LMNA: variants seen among roughly 807,000 people sequenced by gnomAD.
The protein encoded by LMNA is lamin A/C, also known as lamin.
Under a neutral mutation model 70.4 loss-of-function variants are expected in LMNA, and 20 were observed. The ratio of observed to expected loss-of-function variants is 0.28; its 90% CI spans 0.20 to 0.41. The LOEUF is 0.41. Among genes scored for constraint, LMNA ranks in the 10% least tolerant of loss-of-function variants. The pLI is 1.00. For missense variants in LMNA, 652 were observed against 917.2 expected (o/e 0.71, Z 3.73); for synonymous variants, 339 against 372.8 (o/e 0.91, Z 1.04).
chr1:156,130,635 T>C lies in LMNA; in HGVS notation c.375T>C (p.Gly125=), dbSNP rs1164862537. 3.1e-6 allele frequency: 5 copies of C among 1,613,952 alleles called. No homozygotes were observed. Among genetic ancestry groups the C allele is most frequent in the Non-Finnish European group, 4.2e-6 (5 of 1,180,000 alleles). The change falls in exon 2 of 12, where the codon GGT becomes GGC. Residue 125 remains glycine, a synonymous_variant. Coordinates refer to ENST00000368300, the MANE Select transcript of LMNA (RefSeq NM_170707.4). The stretch of plus-strand genomic sequence containing the variant: ...TCTTTAGCAATACCAAGAAGGAGGG[T>C]GACCTGATAGCTGCTCAGGCTCGGC... The part of the protein sequence containing the change: ...ELKARNTKKE[G]DLIAAQARLK...
At chr1:156,100,879 A>T (rs1649117933) in intron 3 of LMNA, among the ~76,000 whole-genome samples, 1 of 152,222 alleles carries the variant, frequency 6.6e-6, no homozygotes, top group Non-Finnish European at 1.5e-5. Flanking sequence ...ACAATGTCAC[A>T]GACAGTGTGA....
chr1:156,094,910 T>C (rs1648864557), intron 3 of LMNA, among the ~76,000 whole-genome samples: 1 of 150,710 alleles, frequency 6.6e-6, no homozygotes, highest in Non-Finnish European at 1.5e-5. Flanking sequence ...CAGGCGTTTG[T>C]CACCACAACC....
intron 1 of LMNA, among the ~76,000 whole-genome samples, chr1:156,130,364 G>A (rs969866179): frequency 2.0e-5 from 3 of 152,104 alleles, no homozygotes; most frequent in African/African-American, 7.2e-5. Flanking sequence ...TCTGCCCTTG[G>A]CCCCAGGCAC....
At chr1:156,111,399 A>T (rs928068044), upstream of LMNA, among the ~76,000 whole-genome samples, 2 of 151,228 alleles carry the variant, frequency 1.3e-5, no homozygotes, top group Non-Finnish European at 2.9e-5. Context: ...CAGTGAGCTG[A>T]GATTGTACTG....
At chr1:156,126,031 T>A (rs1558122690) in intron 1 of LMNA, 1 of 362,208 alleles carries the variant, frequency 2.8e-6, no homozygotes, top group Non-Finnish European at 4.7e-6. Context: ...TTAAAAATTT[T>A]AAATTAAAAT....
Position 156,135,742 on chromosome 1 carries a change from G to A in LMNA, c.937-159G>A, listed in dbSNP as rs912003263. 4.6e-6 allele frequency: 3 copies of A among 657,790 alleles called. No homozygotes were observed. In the East Asian group the frequency reaches 8.2e-5, roughly 18 times the overall value. 40.7% of individuals were successfully genotyped at this position (657,790 alleles called of 1,614,324 possible). ...GTTGCCAGCCAAGACTATGTTTAGA[G>A]CTTGTGATGTTCAGAGCTGGCTCTG... On this transcript the variant is annotated intron_variant, in intron 5 of 11. Coordinates refer to ENST00000368300, the MANE Select transcript of LMNA (RefSeq NM_170707.4). The surrounding 1 kb of genome is among the most constrained non-coding windows in gnomAD (Gnocchi z 4.8).
In LMNA at chr1:156,139,598, A is replaced by G; in HGVS notation, c.*492A>G. 1 of 1,409,028 alleles carries G rather than the reference A, an allele frequency of 7.1e-7. No homozygotes were observed. The highest frequency in any genetic ancestry group is 1.5e-5 in the South Asian group (1 of 66,502). 87.3% of individuals were successfully genotyped at this position (1,409,028 alleles called of 1,614,324 possible). A position where few individuals can be genotyped will look rare whatever the true frequency, so the allele number is the denominator to read the frequency against. Reference sequence around the variant, plus strand: ...GCCAGCCTCCGAGAGGGAGAGAGAGAGAGAGAGGACAGCTTGAGCCGGGCC... The same window carrying G: ...GCCAGCCTCCGAGAGGGAGAGAGAGGGAGAGAGGACAGCTTGAGCCGGGCC... On this transcript the variant is annotated 3_prime_UTR_variant, in exon 12 of 12. Coordinates refer to ENST00000368300, the MANE Select transcript of LMNA (RefSeq NM_170707.4).
chr1:156,117,501 T>C (rs889647765), intron 1 of LMNA, among the ~76,000 whole-genome samples: 1 of 152,042 alleles, frequency 6.6e-6, no homozygotes, highest in Non-Finnish European at 1.5e-5. Flanking sequence ...TCCCAAAGTG[T>C]TGGGATTAGA....
intron 1 of LMNA, chr1:156,126,100 T>A: frequency 7.3e-7 from 1 of 1,376,204 alleles, no homozygotes; most frequent in Non-Finnish European, 9.7e-7. Context: ...GCGGACTCCC[T>A]GTACCCACCC....
At chr1:156,125,066 A>T (rs906064625) in intron 1 of LMNA, among the ~76,000 whole-genome samples, 1 of 152,160 alleles carries the variant, frequency 6.6e-6, no homozygotes, top group Admixed American at 6.5e-5. Flanking sequence ...CTGTAAAAGT[A>T]TAGGAGTTGG....
intron 3 of LMNA, among the ~76,000 whole-genome samples, chr1:156,108,395 G>A (rs777939686): frequency 7.9e-5 from 12 of 152,132 alleles, no homozygotes; most frequent in South Asian, 2.1e-4. Flanking sequence ...CCAAAGAGTC[G>A]CCTGTCTCTG....
Position 156,135,365 on chromosome 1 carries a change from C to G in LMNA, c.936+53C>G. ...AGGGGCCTAGAGTCTGGGCCGGATGCAGGCTGGAAGCCCAGGGTTGGGGGT... is the reference window on the plus strand; with the variant it reads ...AGGGGCCTAGAGTCTGGGCCGGATGGAGGCTGGAAGCCCAGGGTTGGGGGT... On this transcript the variant is annotated intron_variant, in intron 5 of 11. Transcript: ENST00000368300. The surrounding 1 kb of genome is among the most constrained non-coding windows in gnomAD (Gnocchi z 4.8). The G allele has an allele frequency of 6.6e-7, 1 of 1,516,258 alleles. No individual in the cohort carries two copies. Among genetic ancestry groups the G allele is most frequent in the Non-Finnish European group, 9.0e-7 (1 of 1,115,790 alleles). 93.9% of individuals were successfully genotyped at this position (1,516,258 alleles called of 1,614,324 possible).
chr1:156,087,838 C>G (rs1648538350), intron 2 of LMNA, among the ~76,000 whole-genome samples: 1 of 152,054 alleles, frequency 6.6e-6, no homozygotes, highest in South Asian at 2.1e-4. Flanking sequence ...TAGGAATGAG[C>G]CACCATGCCC....
At position 156,138,850 on chromosome 1, in the gene LMNA, C is replaced by A; in HGVS notation, c.1968+93C>A. 1.9e-6 allele frequency: 3 copies of A among 1,538,742 alleles called. No homozygotes were observed. The highest frequency in any genetic ancestry group is 2.7e-6 in the Non-Finnish European group (3 of 1,119,752). On this transcript the variant is annotated intron_variant, in intron 11 of 11. Coordinates refer to ENST00000368300, the MANE Select transcript of LMNA (RefSeq NM_170707.4). This position sits in a 1 kb window ranked among gnomAD's most constrained non-coding sequence, Gnocchi z 5.5. ...GTGGCCTTGCAGGGGGGAGAGCCTG[C>A]CTTCTCTTCCGCAGCCCGGGGGAGT...
chr1:156,128,309 T>C (rs1206562877), intron 1 of LMNA, among the ~76,000 whole-genome samples: 1 of 152,194 alleles, frequency 6.6e-6, no homozygotes, highest in Non-Finnish European at 1.5e-5. Context: ...TCTGTGCTCA[T>C]CAGCCCATAA....
Position 156,139,174 on chromosome 1 carries a change from C to G in LMNA, c.*68C>G, listed in dbSNP as rs1222374505. ...GTCCTCCTCACCTCATGCCCACCCCCTGCCCTGCACGTCATGGGAGGGGGC... is the reference window on the plus strand; with the variant it reads ...GTCCTCCTCACCTCATGCCCACCCCGTGCCCTGCACGTCATGGGAGGGGGC... On this transcript the variant is annotated 3_prime_UTR_variant, in exon 12 of 12. Transcript: ENST00000368300. 6.2e-7 allele frequency: 1 copy of G among 1,611,566 alleles called. No homozygotes were observed. Among genetic ancestry groups the G allele is most frequent in the Non-Finnish European group, 8.5e-7 (1 of 1,179,668 alleles).
At chr1:156,116,072 C>T (rs139267729) in intron 1 of LMNA, among the ~76,000 whole-genome samples, 65 of 152,314 alleles carry the variant, frequency 4.3e-4, no homozygotes, top group African/African-American at 1.6e-3. Flanking sequence ...GCTCCCAGCT[C>T]AGGAAGTTGT....
At chr1:156,087,933 A>C (rs1037576880) in intron 2 of LMNA, among the ~76,000 whole-genome samples, 2 of 149,124 alleles carry the variant, frequency 1.3e-5, no homozygotes, top group African/African-American at 5.0e-5. Context: ...GCGCAGTGGC[A>C]CCATCTCAGC....
intron 3 of LMNA, among the ~76,000 whole-genome samples, chr1:156,094,231 C>T (rs1648821420): frequency 6.6e-6 from 1 of 152,172 alleles, no homozygotes; most frequent in African/African-American, 2.4e-5. Flanking sequence ...CTGGCCAGGC[C>T]CTGTCTATCC....
Sources: allele counts gnomAD v4.1 joint callset (sites outside exome capture counted in the v4.1 genomes callset), GRCh38; gene constraint gnomAD v4.1.1; non-coding constraint Gnocchi (gnomAD v3.1); transcripts MANE v1.5; gene names NCBI Gene and HGNC (gene_info 2026-07-23, HGNC 2026-07-21).